AFAP1: variants seen among roughly 807,000 people sequenced by gnomAD.
AFAP1 encodes actin filament-associated protein 1.
Under a neutral mutation model 93.9 loss-of-function variants are expected in AFAP1, and 75 were observed. That is an observed-to-expected ratio of 0.80 (90% CI 0.66 to 0.97). The LOEUF (loss-of-function observed/expected upper bound fraction) is 0.97, where lower values mean the gene tolerates loss of function less well. AFAP1 is among the 50% of genes least tolerant of loss of function. AFAP1 has a pLI of 0.00. For synonymous variants in AFAP1, 517 were observed against 430.7 expected, an observed-to-expected ratio of 1.20 and a Z score of -2.48; for missense variants, 1,201 against 1,050.8, an observed-to-expected ratio of 1.14 and a Z score of -1.98.
chr4:7,923,782 A>T (rs1720562948), intron 1 of AFAP1, among the ~76,000 whole-genome samples: 1 of 152,114 alleles, frequency 6.6e-6, no homozygotes, highest in African/African-American at 2.4e-5. Flanking sequence ...TCTTCTTCTA[A>T]GGCCACTGAT....
chr4:7,787,033 G>A (rs1386100156), intron 11 of AFAP1, among the ~76,000 whole-genome samples: 4 of 152,232 alleles, frequency 2.6e-5, no homozygotes, highest in African/African-American at 7.2e-5. Context: ...GTGTGCTACT[G>A]TGGCGTAATA....
At chr4:7,915,477 T>TA (rs34939228) in intron 1 of AFAP1, among the ~76,000 whole-genome samples, 82,200 of 146,944 alleles carry the variant, frequency 0.56, 25,359 homozygotes, top group East Asian at 0.82. Context: ...AAACCCCATC[T>TA]AAAAAAAAAA....
At chr4:7,873,080 T>C (rs1220498129) in intron 1 of AFAP1, among the ~76,000 whole-genome samples, 1 of 150,784 alleles carries the variant, frequency 6.6e-6, no homozygotes, top group South Asian at 2.1e-4. Flanking sequence ...CCATCTCTAT[T>C]AAAAATACAA....
chr4:7,845,901 T>A (rs1224403887), intron 4 of AFAP1, among the ~76,000 whole-genome samples: 1 of 151,916 alleles, frequency 6.6e-6, no homozygotes, highest in Admixed American at 6.6e-5. Context: ...GCAAGATCTT[T>A]ACAATCTAGG....
chr4:7,765,729 C>A (rs1026510629), intron 17 of AFAP1, among the ~76,000 whole-genome samples: 2 of 152,210 alleles, frequency 1.3e-5, no homozygotes, highest in Non-Finnish European at 2.9e-5. Flanking sequence ...CTCTGGAGGA[C>A]AGCAGAAGGC....
At chr4:7,786,073 G>A (rs1717225443) in intron 12 of AFAP1, 121 bp downstream of exon 12, 1 of 812,140 alleles carries the variant, frequency 1.2e-6, no homozygotes, top group Non-Finnish European at 2.0e-6. Flanking sequence ...GAGTCTCCTT[G>A]CCTCAGAGCA....
chr4:7,870,202 G>T (rs1027297113), intron 2 of AFAP1, among the ~76,000 whole-genome samples: 2 of 152,306 alleles, frequency 1.3e-5, no homozygotes, highest in African/African-American at 2.4e-5. Context: ...TTTGGTAACA[G>T]GTAGGGCCAG....
chr4:7,837,299 A>T (rs1647862490), intron 6 of AFAP1, among the ~76,000 whole-genome samples: 1 of 152,116 alleles, frequency 6.6e-6, no homozygotes, highest in Non-Finnish European at 1.5e-5. Flanking sequence ...CCTCAAGAGG[A>T]TGGTGTTATG....
chr4:7,782,553 G>A (rs1283707208), intron 12 of AFAP1, among the ~76,000 whole-genome samples: 3 of 152,246 alleles, frequency 2.0e-5, no homozygotes, highest in Admixed American at 2.0e-4. Flanking sequence ...GCCACTGCAT[G>A]GGACAGAGGA....
At chr4:7,897,321 A>G (rs1393892089) in intron 1 of AFAP1, among the ~76,000 whole-genome samples, 1 of 152,196 alleles carries the variant, frequency 6.6e-6, no homozygotes, top group Non-Finnish European at 1.5e-5. Context: ...CGGTAGGAAA[A>G]CATGTAAGAA....
chr4:7,839,963 C>T (rs1712791230), intron 5 of AFAP1, among the ~76,000 whole-genome samples: 1 of 152,176 alleles, frequency 6.6e-6, no homozygotes, highest in Non-Finnish European at 1.5e-5. Flanking sequence ...TTATTAGCAA[C>T]AATAACATCT....
At chr4:7,775,923 G>C (rs896693133) in intron 14 of AFAP1, 13 of 152,278 alleles carry the variant, frequency 8.5e-5, no homozygotes, top group Admixed American at 8.5e-4. Context: ...AAAATTTACA[G>C]ACTTGGCAAC....
chr4:7,877,309 C>T lies in AFAP1; in HGVS notation c.-2-5229G>A, dbSNP rs142191350. 2.7e-3 allele frequency among the ~76,000 whole-genome samples: 415 copies of T among 152,320 alleles called. 2 individuals carry two copies. Among genetic ancestry groups the T allele is most frequent in the Non-Finnish European group, 4.7e-3 (319 of 68,024 alleles). On this transcript the variant is annotated intron_variant, in intron 1 of 17. Transcript: ENST00000420658. ...GGTCCTGTGAAAGGCACTGTGCTGG[C>T]ATCTACATAAAATAGCTCATTTGAT...
intron 1 of AFAP1, among the ~76,000 whole-genome samples, chr4:7,873,882 A>G (rs1717291265): frequency 6.6e-6 from 1 of 152,202 alleles, no homozygotes; most frequent in African/African-American, 2.4e-5. Context: ...AAGAATGAAC[A>G]CATGAGCTCA....
At chr4:7,804,070 A>G (rs950203209) in intron 9 of AFAP1, among the ~76,000 whole-genome samples, 1 of 152,174 alleles carries the variant, frequency 6.6e-6, no homozygotes, top group African/African-American at 2.4e-5. Flanking sequence ...AGGAGTCTAG[A>G]GTCAGGGGGT....
At chr4:7,804,264 G>C (rs1258645146) in intron 9 of AFAP1, among the ~76,000 whole-genome samples, 1 of 152,226 alleles carries the variant, frequency 6.6e-6, no homozygotes, top group Non-Finnish European at 1.5e-5. Flanking sequence ...CTGCAGGCGG[G>C]AGCTTCAAGG....
intron 5 of AFAP1, among the ~76,000 whole-genome samples, chr4:7,841,875 G>A (rs1467101057): frequency 6.8e-6 from 1 of 146,228 alleles, no homozygotes; most frequent in African/African-American, 2.5e-5. Context: ...GAGGGGGGAA[G>A]AAGTTAAGAA....
At chr4:7,856,382 A>T (rs1228954137) in intron 3 of AFAP1, among the ~76,000 whole-genome samples, 1 of 151,938 alleles carries the variant, frequency 6.6e-6, no homozygotes, top group Non-Finnish European at 1.5e-5. Flanking sequence ...AACTGGGACT[A>T]CAGGCGCCCA....
chr4:7,804,904 G>A (rs1173950483), intron 9 of AFAP1, among the ~76,000 whole-genome samples: 2 of 152,196 alleles, frequency 1.3e-5, no homozygotes, highest in Non-Finnish European at 2.9e-5. Flanking sequence ...CAAATGTCAG[G>A]AAACTGCTGG....
Sources: allele counts gnomAD v4.1 joint callset (sites outside exome capture counted in the v4.1 genomes callset), GRCh38; gene constraint gnomAD v4.1.1; transcripts MANE v1.5; gene names NCBI Gene and HGNC (gene_info 2026-07-23, HGNC 2026-07-21).